The following LINGO2 variants were observed in gnomAD, a reference collection of about 807,000 sequenced individuals.
LINGO2 encodes leucine-rich repeat and immunoglobulin-like domain-containing nogo receptor-interacting protein 2.
Under a neutral mutation model 30.6 loss-of-function variants are expected in LINGO2, and 14 were observed. That is an observed-to-expected ratio of 0.46 (90% CI 0.30 to 0.72). LINGO2 has a LOEUF of 0.72. Ranked by LOEUF, LINGO2 falls within the 30% of genes least tolerant of loss-of-function variation. The pLI is 0.07. For synonymous variants in LINGO2, 317 were observed against 288.5 expected (o/e 1.10, Z -1.00); for missense variants, 729 against 751.7 (o/e 0.97, Z 0.35).
At chr9:28,278,188 A>G (rs1035008937) in intron 4 of LINGO2, among the ~76,000 whole-genome samples, 1 of 152,230 alleles carries the variant, frequency 6.6e-6, no homozygotes, top group African/African-American at 2.4e-5. Flanking sequence ...GTTGAACACT[A>G]GCAGAGGCTG....
intron 2 of LINGO2, among the ~76,000 whole-genome samples, chr9:28,410,905 T>C (rs13285209): frequency 0.26 from 39,098 of 151,938 alleles, 5,609 homozygotes; most frequent in Non-Finnish European, 0.32. Context: ...ACCTTCACTG[T>C]AGTTAGTTGA....
chr9:28,499,167 G>C (rs1466898824), intron 1 of LINGO2, among the ~76,000 whole-genome samples: 1 of 152,092 alleles, frequency 6.6e-6, no homozygotes, highest in African/African-American at 2.4e-5. Flanking sequence ...GTAAGTCCTG[G>C]GAGGTCAGTT....
the LINGO2 span, among the ~76,000 whole-genome samples, chr9:28,989,282 T>A: frequency 6.6e-6 from 1 of 152,230 alleles, no homozygotes; most frequent in Non-Finnish European, 1.5e-5. Flanking sequence ...TTCAGCTGTG[T>A]CAATATTAGC....
At chr9:28,854,469 G>T in the LINGO2 span, among the ~76,000 whole-genome samples, 1 of 151,934 alleles carries the variant, frequency 6.6e-6, no homozygotes, top group South Asian at 2.1e-4. Context: ...AGGGCTATTT[G>T]TAGATGAGCT....
At position 28,341,034 on chromosome 9, in the gene LINGO2, A is replaced by C. The variant is rs535736993; in HGVS notation, c.-246+31802T>G. Among the ~76,000 whole-genome samples, 5 of 152,222 alleles carry C rather than the reference A, an allele frequency of 3.3e-5. No individual in the cohort carries two copies. The East Asian group carries it at 9.6e-4, about 29-fold the overall frequency. On this transcript the variant is annotated intron_variant, in intron 3 of 5. Coordinates refer to ENST00000379992, the Ensembl canonical transcript of LINGO2. ...GAGAATAATGCATCATGAAACAAAA[A>C]ACTAAGGCAAGCAAGGACTAGTTTT...
chr9:28,596,759 T>C (rs1825203117), intron 1 of LINGO2, among the ~76,000 whole-genome samples: 1 of 152,206 alleles, frequency 6.6e-6, no homozygotes, highest in Non-Finnish European at 1.5e-5. Flanking sequence ...CATCATTATC[T>C]TTATAAGTAT....
At chr9:28,498,388 C>G (rs1363887594) in intron 1 of LINGO2, among the ~76,000 whole-genome samples, 4 of 152,210 alleles carry the variant, frequency 2.6e-5, no homozygotes, top group Admixed American at 2.6e-4. Context: ...TCGCTGCTGC[C>G]TTGCAGTTAG....
At chr9:28,784,528 T>C in the LINGO2 span, among the ~76,000 whole-genome samples, 1 of 152,080 alleles carries the variant, frequency 6.6e-6, no homozygotes, top group Non-Finnish European at 1.5e-5. Flanking sequence ...TAGAGATGAG[T>C]AAAATAGATA....
chr9:28,586,469 C>T (rs1449847105), intron 1 of LINGO2, among the ~76,000 whole-genome samples: 1 of 151,934 alleles, frequency 6.6e-6, no homozygotes, highest in Admixed American at 6.6e-5. Flanking sequence ...ATGCAACCAT[C>T]CTTTTAAAAT....
At chr9:28,161,269 A>G (rs1828277694) in intron 4 of LINGO2, among the ~76,000 whole-genome samples, 1 of 152,108 alleles carries the variant, frequency 6.6e-6, no homozygotes, top group Admixed American at 6.6e-5. Context: ...GGGAAAAAGC[A>G]GGGGGGCAGT....
intron 2 of LINGO2, among the ~76,000 whole-genome samples, chr9:28,414,217 G>A (rs969906187): frequency 6.6e-6 from 1 of 151,962 alleles, no homozygotes; most frequent in African/African-American, 2.4e-5. Flanking sequence ...GGAGTCAGAA[G>A]GTCCCTGAAT....
chr9:28,487,883 G>A (rs1304744463), intron 1 of LINGO2, among the ~76,000 whole-genome samples: 1 of 152,152 alleles, frequency 6.6e-6, no homozygotes, highest in Non-Finnish European at 1.5e-5. Context: ...CAGGTTAGGT[G>A]TTTGATGAAG....
In LINGO2 at chr9:28,003,370, G is replaced by T. The variant is rs868440997; in HGVS notation, c.-36+8985C>A. Among the ~76,000 whole-genome samples, 1,091 of 141,966 alleles carry T rather than the reference G, an allele frequency of 7.7e-3. 11 individuals are homozygous for T. Among genetic ancestry groups the T allele is most frequent in the African/African-American group, 0.027 (1,039 of 38,320 alleles). The allele number at this position is 141,966 out of a possible 152,430, so 93.1% of individuals were successfully genotyped here. The stretch of plus-strand genomic sequence containing the variant: ...AGATAGATAGATAGATAGATAGATA[G>T]ATAGATAGATAGATATAGAGAGAGA... On this transcript the variant is annotated intron_variant, in intron 5 of 5. Coordinates refer to ENST00000379992, the Ensembl canonical transcript of LINGO2.
At chr9:28,582,782 C>A (rs1409763731) in intron 1 of LINGO2, among the ~76,000 whole-genome samples, 2 of 152,086 alleles carry the variant, frequency 1.3e-5, no homozygotes, top group Non-Finnish European at 2.9e-5. Context: ...CATTAGCTGT[C>A]AAGTTAAATT....
intron 1 of LINGO2, among the ~76,000 whole-genome samples, chr9:28,640,332 G>A (rs1827510333): frequency 6.6e-6 from 1 of 152,048 alleles, no homozygotes; most frequent in African/African-American, 2.4e-5. Context: ...TATCTTTGTG[G>A]CGTTCTTTGT....
chr9:28,887,744 G>T, the LINGO2 span, among the ~76,000 whole-genome samples: 2 of 152,104 alleles, frequency 1.3e-5, no homozygotes, highest in Non-Finnish European at 2.9e-5. Flanking sequence ...TTGTGAAAGA[G>T]AAACAGAAAG....
intron 5 of LINGO2, among the ~76,000 whole-genome samples, chr9:27,954,979 A>C (rs1819496476): frequency 6.6e-6 from 1 of 152,064 alleles, no homozygotes; most frequent in Non-Finnish European, 1.5e-5. Flanking sequence ...TGTGGTTTTG[A>C]TTTGCATTTC....
intron 3 of LINGO2, among the ~76,000 whole-genome samples, chr9:28,316,370 T>A (rs1337517322): frequency 6.6e-6 from 1 of 152,102 alleles, no homozygotes; most frequent in African/African-American, 2.4e-5. Context: ...ATGTAAAAAT[T>A]GAAGATTACC....
intron 4 of LINGO2, among the ~76,000 whole-genome samples, chr9:28,124,733 T>C (rs1189138865): frequency 2.0e-5 from 3 of 152,178 alleles, no homozygotes. Context: ...AGTAATGTTC[T>C]GGGACATAGA....
Sources: allele counts gnomAD v4.1 joint callset (sites outside exome capture counted in the v4.1 genomes callset), GRCh38; gene constraint gnomAD v4.1.1; transcripts MANE v1.5; gene names NCBI Gene and HGNC (gene_info 2026-07-23, HGNC 2026-07-21).